Variants in TMED3 observed in about 807,000 individuals in gnomAD.
TMED3 encodes transmembrane p24 trafficking protein 3.
TMED3 carries 9 observed loss-of-function variants against 15.0 expected under a neutral mutation model. The observed-to-expected ratio is 0.60, with a 90% confidence interval of 0.36 to 1.04. The LOEUF (loss-of-function observed/expected upper bound fraction) is 1.04. TMED3 is among the 50% of genes least tolerant of loss of function. The probability of loss-of-function intolerance (pLI) is 0.01; values close to 1 mark genes in which losing one functional copy is unlikely to be tolerated. For missense variants in TMED3, 267 were observed against 278.9 expected (o/e 0.96, Z 0.30); for synonymous variants, 117 against 121.4 (o/e 0.96, Z 0.24).
At chr15:79,358,394 T>C (rs925675491) in intron 2 of TMED3, among the ~76,000 whole-genome samples, 4 of 152,228 alleles carry the variant, frequency 2.6e-5, no homozygotes, top group African/African-American at 9.6e-5. Context: ...CCCTACTGTG[T>C]GTGTCTAGGC....
chr15:79,401,381 A>G (rs947092043), intron 2 of TMED3, among the ~76,000 whole-genome samples: 8 of 152,308 alleles, frequency 5.3e-5, no homozygotes, highest in Non-Finnish European at 1.0e-4. Flanking sequence ...GGAGTGTGAG[A>G]TAGATGACAG....
At chr15:79,394,143 TA>T (rs67966588) in intron 2 of TMED3, among the ~76,000 whole-genome samples, 1,531 of 151,704 alleles carry the variant, frequency 0.01, 26 homozygotes, top group African/African-American at 0.034. Flanking sequence ...AGTTGGGGAG[TA>T]GGGGGGTGGG....
In TMED3 at chr15:79,359,419, A is replaced by G. The variant is rs564557051; in HGVS notation, c.417+45414A>G. 1.8e-3 allele frequency among the ~76,000 whole-genome samples: 273 copies of G among 152,106 alleles called. 4 individuals are homozygous for G. The highest frequency in any genetic ancestry group is 6.3e-3 in the African/African-American group (262 of 41,502). ...GCAAATTTTTGTATTTTTAGTAGAG[A>G]CAGGGTTTCACCATTTTGACCAAGT... On this transcript the variant is annotated intron_variant, in intron 2 of 2. Transcript: ENST00000424155.
intron 2 of TMED3, among the ~76,000 whole-genome samples, chr15:79,354,861 T>G (rs565553078): frequency 6.6e-6 from 1 of 152,270 alleles, no homozygotes; most frequent in Non-Finnish European, 1.5e-5. Context: ...GTTTTTAGCT[T>G]GATTCTGATC....
At chr15:79,323,488 G>A (rs916263491), downstream of TMED3, among the ~76,000 whole-genome samples, 5 of 151,908 alleles carry the variant, frequency 3.3e-5, no homozygotes, top group Non-Finnish European at 5.9e-5. Flanking sequence ...TTAAGTACTG[G>A]GTATATATAA....
intron 2 of TMED3, chr15:79,384,617 A>T (rs543504322): frequency 1.4e-3 from 207 of 152,378 alleles, no homozygotes; most frequent in African/African-American, 4.9e-3. Context: ...CCATGTGTAT[A>T]CTCAAGTAGG....
chr15:79,364,773 T>C (rs1194315042), intron 2 of TMED3, among the ~76,000 whole-genome samples: 3 of 150,854 alleles, frequency 2.0e-5, no homozygotes, highest in Admixed American at 6.6e-5. Context: ...TAGGGGCAGA[T>C]CATCCTCTCA....
intron 2 of TMED3, among the ~76,000 whole-genome samples, chr15:79,378,412 C>G (rs968808124): frequency 1.3e-5 from 2 of 152,214 alleles, no homozygotes; most frequent in African/African-American, 4.8e-5. Flanking sequence ...GATTCGGAGA[C>G]TCAAGCCTCT....
At chr15:79,369,166 G>A (rs894426880) in intron 2 of TMED3, among the ~76,000 whole-genome samples, 1 of 151,750 alleles carries the variant, frequency 6.6e-6, no homozygotes, top group Non-Finnish European at 1.5e-5. Flanking sequence ...TACAGGGCAA[G>A]TTCGTCTAAC....
chr15:79,346,262 T>C (rs1163255135), intron 2 of TMED3, among the ~76,000 whole-genome samples: 1 of 152,196 alleles, frequency 6.6e-6, no homozygotes, highest in Non-Finnish European at 1.5e-5. Context: ...TAGGTTGTCT[T>C]ATAGGGTTTT....
downstream of TMED3, among the ~76,000 whole-genome samples, chr15:79,326,319 C>G (rs991690273): frequency 2.0e-5 from 3 of 152,194 alleles, no homozygotes; most frequent in African/African-American, 7.2e-5. Context: ...GGAGGGGTGT[C>G]CAGAAATGCG....
chr15:79,370,195 A>T (rs1364525854), intron 2 of TMED3, among the ~76,000 whole-genome samples: 1 of 148,992 alleles, frequency 6.7e-6, no homozygotes, highest in Non-Finnish European at 1.5e-5. Flanking sequence ...GATTCAAGTG[A>T]TTCTCCTGCC....
downstream of TMED3, among the ~76,000 whole-genome samples, chr15:79,325,807 A>C (rs1308692619): frequency 1.3e-5 from 2 of 152,226 alleles, no homozygotes; most frequent in Admixed American, 1.3e-4. Context: ...TCTGATGTCC[A>C]AGGGCAGGAA....
downstream of TMED3, among the ~76,000 whole-genome samples, chr15:79,327,496 G>A (rs555777119): frequency 6.6e-6 from 1 of 152,338 alleles, no homozygotes; most frequent in East Asian, 1.9e-4. Flanking sequence ...TCTGGGAAAA[G>A]GCTGGATGTT....
At chr15:79,321,839 C>T in intron 2 of TMED3, 139 bp from the exon 3 acceptor site, 1 of 1,090,604 alleles carries the variant, frequency 9.2e-7, no homozygotes, top group Non-Finnish European at 1.3e-6. Flanking sequence ...TAAATAAAAC[C>T]ACGTAAAACC....
chr15:79,336,760 A>T (rs931204075), intron 2 of TMED3, among the ~76,000 whole-genome samples: 6 of 152,148 alleles, frequency 3.9e-5, no homozygotes, highest in African/African-American at 1.4e-4. Context: ...CCTAGCTAAT[A>T]TTTTTACTCT....
At chr15:79,339,542 A>G (rs2058841837) in intron 2 of TMED3, among the ~76,000 whole-genome samples, 1 of 152,190 alleles carries the variant, frequency 6.6e-6, no homozygotes, top group South Asian at 2.1e-4. Flanking sequence ...TTCCATTGCA[A>G]AAGTCCACAG....
intron 2 of TMED3, among the ~76,000 whole-genome samples, chr15:79,367,611 T>G (rs775485091): frequency 2.0e-5 from 3 of 152,146 alleles, no homozygotes; most frequent in Non-Finnish European, 4.4e-5. Context: ...CCACCACAGG[T>G]GTTCTGGATG....
At chr15:79,391,292 G>T (rs925441632) in intron 2 of TMED3, among the ~76,000 whole-genome samples, 13 of 151,982 alleles carry the variant, frequency 8.6e-5, no homozygotes, top group African/African-American at 2.7e-4. Context: ...TCAGTTTGAA[G>T]AATTTTTCAA....
Sources: gnomAD v4.1 joint callset for allele counts (sites outside exome capture counted in the v4.1 genomes callset) on GRCh38, gnomAD v4.1.1 for gene constraint, MANE v1.5 for transcripts, NCBI Gene and HGNC (gene_info 2026-07-23, HGNC 2026-07-21) for gene names.